Variants in EXOC6B observed in about 807,000 individuals in gnomAD.
EXOC6B encodes the protein exocyst complex component 6B, also known as SEC15 homolog B.
EXOC6B carries 54 observed loss-of-function variants against 113.5 expected under a neutral mutation model. The observed-to-expected ratio is 0.48, with a 90% CI of 0.38 to 0.60. The LOEUF (loss-of-function observed/expected upper bound fraction) is 0.60, where lower values mean the gene tolerates loss of function less well. EXOC6B is among the 20% of genes least tolerant of loss of function. The pLI is 0.00. For missense variants in EXOC6B, 797 were observed against 977.5 expected (o/e 0.82, Z 2.46); for synonymous variants, 357 against 339.0 (o/e 1.05, Z -0.58).
At chr2:72,279,774 C>A (rs976466996) in intron 20 of EXOC6B, among the ~76,000 whole-genome samples, 35 of 151,846 alleles carry the variant, frequency 2.3e-4, no homozygotes, top group Admixed American at 2.3e-3. Context: ...CAACCATACC[C>A]AGCTAATAAT....
At chr2:72,749,513 C>T (rs1420765945) in intron 1 of EXOC6B, among the ~76,000 whole-genome samples, 5 of 151,658 alleles carry the variant, frequency 3.3e-5, no homozygotes, top group South Asian at 2.1e-4. Context: ...GCCATTAAAG[C>T]GGAAAGTAAT....
At chr2:72,407,948 T>C (rs900663668) in intron 18 of EXOC6B, among the ~76,000 whole-genome samples, 16 of 152,172 alleles carry the variant, frequency 1.1e-4, no homozygotes, top group Non-Finnish European at 1.8e-4. Context: ...GATGACATGA[T>C]TGTATATCTA....
chr2:72,284,818 T>C (rs752157477), intron 20 of EXOC6B, among the ~76,000 whole-genome samples: 1 of 152,034 alleles, frequency 6.6e-6, no homozygotes, highest in Non-Finnish European at 1.5e-5. Flanking sequence ...ATTATTCACT[T>C]ACCTATATAC....
intron 8 of EXOC6B, among the ~76,000 whole-genome samples, chr2:72,525,528 G>A (rs1255417939): frequency 6.6e-6 from 1 of 152,042 alleles, no homozygotes; most frequent in Admixed American, 6.6e-5. Flanking sequence ...CCTCAATGAT[G>A]AAGGTTAATT....
chr2:72,726,069 T>C (rs1680283299), intron 5 of EXOC6B, among the ~76,000 whole-genome samples: 1 of 152,184 alleles, frequency 6.6e-6, no homozygotes, highest in African/African-American at 2.4e-5. Context: ...CAGTGATACA[T>C]GCTACAACAT....
intron 8 of EXOC6B, among the ~76,000 whole-genome samples, chr2:72,529,159 TA>T (rs1701876441): frequency 6.6e-6 from 1 of 152,188 alleles, no homozygotes; most frequent in Non-Finnish European, 1.5e-5. Flanking sequence ...CTTTCACCCC[TA>T]AATATAAAGC....
intron 20 of EXOC6B, among the ~76,000 whole-genome samples, chr2:72,238,272 T>G (rs1682087005): frequency 6.6e-6 from 1 of 152,250 alleles, no homozygotes; most frequent in African/African-American, 2.4e-5. Flanking sequence ...AAATAATATT[T>G]CATTGTATGA....
chr2:72,631,158 G>T (rs1187681460), intron 6 of EXOC6B, among the ~76,000 whole-genome samples: 2 of 151,436 alleles, frequency 1.3e-5, no homozygotes, highest in African/African-American at 2.4e-5. Flanking sequence ...TAAAGTATAG[G>T]AATGTGTGTG....
intron 20 of EXOC6B, among the ~76,000 whole-genome samples, chr2:72,216,309 A>G (rs1036908787): frequency 5.3e-5 from 8 of 152,248 alleles, no homozygotes; most frequent in Non-Finnish European, 1.0e-4. Context: ...AAAAAAGTTC[A>G]ACATCACTGA....
intron 2 of EXOC6B, among the ~76,000 whole-genome samples, chr2:72,736,783 T>A (rs1680995482): frequency 6.6e-6 from 1 of 152,128 alleles, no homozygotes; most frequent in South Asian, 2.1e-4. Context: ...GTGCTGACTA[T>A]CATGGACCAG....
intron 1 of EXOC6B, among the ~76,000 whole-genome samples, chr2:72,802,683 GA>G (rs34930136): frequency 6.6e-6 from 1 of 151,922 alleles, no homozygotes; most frequent in African/African-American, 2.4e-5. Flanking sequence ...TTCATCTTGG[GA>G]AAAAAATTCT....
intron 6 of EXOC6B, among the ~76,000 whole-genome samples, chr2:72,607,799 T>C (rs1244775421): frequency 6.6e-6 from 1 of 152,230 alleles, no homozygotes; most frequent in East Asian, 1.9e-4. Context: ...ATGACTTCAG[T>C]AGGGTTTTCA....
chr2:72,455,823 G>C (rs1228347149), intron 18 of EXOC6B, among the ~76,000 whole-genome samples: 2 of 152,028 alleles, frequency 1.3e-5, no homozygotes, highest in Non-Finnish European at 2.9e-5. Flanking sequence ...GACACACAGA[G>C]AGAGAGAAAG....
chr2:72,257,409 G>A (rs975705219), intron 20 of EXOC6B, among the ~76,000 whole-genome samples: 1 of 151,936 alleles, frequency 6.6e-6, no homozygotes, highest in East Asian at 1.9e-4. Flanking sequence ...TATTAGTATT[G>A]GATAAATTAC....
chr2:72,331,044 A>G (rs1688391034), intron 20 of EXOC6B, among the ~76,000 whole-genome samples: 1 of 152,100 alleles, frequency 6.6e-6, no homozygotes, highest in Non-Finnish European at 1.5e-5. Context: ...ATCTGTAGAA[A>G]TTTGAGCTTC....
intron 1 of EXOC6B, among the ~76,000 whole-genome samples, chr2:72,814,860 A>G (rs1198133005): frequency 6.6e-6 from 1 of 152,090 alleles, no homozygotes; most frequent in African/African-American, 2.4e-5. Context: ...GCGTGGTGGC[A>G]GGCGCCTGTA....
chr2:72,717,967 C>T, intron 6 of EXOC6B, 136 bp downstream of exon 6: 2 of 595,922 alleles, frequency 3.4e-6, no homozygotes, highest in Non-Finnish European at 5.6e-6. Context: ...CATATGTTTC[C>T]ATAAATATGA....
At chr2:72,754,595 T>C (rs1682280752) in intron 1 of EXOC6B, among the ~76,000 whole-genome samples, 1 of 151,756 alleles carries the variant, frequency 6.6e-6, no homozygotes, top group Admixed American at 6.6e-5. Flanking sequence ...GTATTTCATT[T>C]TTTTAATAGC....
intron 20 of EXOC6B, among the ~76,000 whole-genome samples, chr2:72,236,552 T>C (rs1681970913): frequency 1.3e-5 from 2 of 152,118 alleles, no homozygotes; most frequent in Admixed American, 6.6e-5. Flanking sequence ...TTCTGCAGCA[T>C]TTCTTGGAAA....
Sources: allele counts gnomAD v4.1 joint callset (sites outside exome capture counted in the v4.1 genomes callset), GRCh38; gene constraint gnomAD v4.1.1; transcripts MANE v1.5; gene names NCBI Gene and HGNC (gene_info 2026-07-23, HGNC 2026-07-21).